Variants in CA10 observed in about 807,000 individuals in gnomAD.
CA10 encodes the protein carbonic anhydrase-related protein 10.
In CA10, 14 loss-of-function variants were observed where a neutral mutation model predicts 44.2. The ratio of observed to expected loss-of-function variants is 0.32; its 90% CI spans 0.21 to 0.50. The LOEUF is 0.50. Among genes scored for constraint, CA10 ranks in the 20% least tolerant of loss-of-function variants. The pLI is 0.99. For missense variants in CA10, 350 were observed against 409.7 expected (o/e 0.85, Z 1.26); for synonymous variants, 159 against 141.6 (o/e 1.12, Z -0.87).
intron 6 of CA10, among the ~76,000 whole-genome samples, chr17:51,646,931 G>A (rs1913363365): frequency 6.6e-6 from 1 of 152,152 alleles, no homozygotes; most frequent in Admixed American, 6.6e-5. Context: ...AATTATAGGA[G>A]CACAAAATTC....
intron 4 of CA10, among the ~76,000 whole-genome samples, chr17:51,690,609 A>G (rs568592257): frequency 6.6e-6 from 1 of 152,202 alleles, no homozygotes; most frequent in South Asian, 2.1e-4. Flanking sequence ...ATGAGATCTG[A>G]TGGTTTTACA....
chr17:52,057,941 C>T (rs1323007869), intron 2 of CA10, among the ~76,000 whole-genome samples: 3 of 151,988 alleles, frequency 2.0e-5, no homozygotes, highest in African/African-American at 7.2e-5. Flanking sequence ...TTAGCTAGAA[C>T]CACTTGTGTT....
intron 6 of CA10, 128 bp from the exon 7 acceptor site, chr17:51,636,137 T>C (rs1912818352): frequency 4.0e-6 from 2 of 496,814 alleles, no homozygotes; most frequent in Non-Finnish European, 6.6e-6. Flanking sequence ...GATATATATG[T>C]ATTTCTTTTG....
intron 4 of CA10, among the ~76,000 whole-genome samples, chr17:51,731,191 A>G: frequency 6.6e-6 from 1 of 152,188 alleles, no homozygotes; most frequent in East Asian, 1.9e-4. Context: ...ATCGTGGCCA[A>G]CATGGTGAAA....
At chr17:51,768,470 A>C (rs1484088373) in intron 3 of CA10, among the ~76,000 whole-genome samples, 2 of 152,196 alleles carry the variant, frequency 1.3e-5, no homozygotes, top group African/African-American at 4.8e-5. Context: ...TCTTCTGATA[A>C]ATTGAATTTC....
At chr17:52,091,955 T>C (rs886544538) in intron 1 of CA10, among the ~76,000 whole-genome samples, 4 of 152,176 alleles carry the variant, frequency 2.6e-5, no homozygotes, top group African/African-American at 7.2e-5. Context: ...GAAAAGTATA[T>C]GCCGCCTATG....
chr17:51,715,189 C>G (rs546024330), intron 4 of CA10, among the ~76,000 whole-genome samples: 24 of 151,616 alleles, frequency 1.6e-4, no homozygotes, highest in East Asian at 3.9e-4. Flanking sequence ...ACACAGGAAG[C>G]GGAACATCAC....
chr17:52,112,902 T>C (rs1988816257), intron 1 of CA10, among the ~76,000 whole-genome samples: 3 of 152,198 alleles, frequency 2.0e-5, no homozygotes, highest in Admixed American at 2.0e-4. Flanking sequence ...GGTATTCTAG[T>C]TATTCTATAG....
At chr17:52,015,922 G>A (rs533568876) in intron 2 of CA10, among the ~76,000 whole-genome samples, 1 of 152,060 alleles carries the variant, frequency 6.6e-6, no homozygotes, top group Non-Finnish European at 1.5e-5. Flanking sequence ...ATGTGGGGAG[G>A]ATCATTTTTA....
chr17:52,020,267 A>T (rs903546273), intron 2 of CA10, among the ~76,000 whole-genome samples: 1 of 151,984 alleles, frequency 6.6e-6, no homozygotes, highest in African/African-American at 2.4e-5. Context: ...AGCTTCTTAG[A>T]AGCTTCAAAT....
At chr17:51,874,071 C>T (rs1979939960) in intron 3 of CA10, among the ~76,000 whole-genome samples, 1 of 152,300 alleles carries the variant, frequency 6.6e-6, no homozygotes, top group South Asian at 2.1e-4. Context: ...TTAACTATGG[C>T]TTTTAATCAG....
intron 4 of CA10, among the ~76,000 whole-genome samples, chr17:51,743,178 A>G (rs539598871): frequency 9.4e-4 from 143 of 152,320 alleles, no homozygotes; most frequent in African/African-American, 3.2e-3. Context: ...GAAAAGAAGA[A>G]CTTAAGGAAG....
chr17:51,631,507 G>A lies in CA10; in HGVS notation c.*77C>T. On this transcript the variant is annotated 3_prime_UTR_variant, in exon 9 of 9. Transcript: ENST00000451037. ...GGGGGAAAGAAGGAGAGAGAAGCAA[G>A]AAGGGGGACATTCTAGGTTACGTCA... is the stretch of plus-strand genomic sequence containing the variant. 7.7e-7 allele frequency: 1 copy of A among 1,296,430 alleles called. No individual in the cohort carries two copies. Among genetic ancestry groups the A allele is most frequent in the Non-Finnish European group, 1.1e-6 (1 of 893,912 alleles). The allele number at this position is 1,296,430 out of a possible 1,614,324, so 80.3% of individuals were successfully genotyped here.
chr17:51,692,737 A>C (rs1024969066), intron 4 of CA10, among the ~76,000 whole-genome samples: 1 of 152,238 alleles, frequency 6.6e-6, no homozygotes, highest in South Asian at 2.1e-4. Flanking sequence ...CACAATTATG[A>C]ATAAAGCTCC....
chr17:52,082,886 TTATC>T (rs1024357136), intron 1 of CA10, among the ~76,000 whole-genome samples: 1 of 152,202 alleles, frequency 6.6e-6, no homozygotes, highest in South Asian at 2.1e-4. Flanking sequence ...TTACTATTAT[TTATC>T]TGTTTGGAAT....
chr17:51,749,558 T>C (rs1904822807), intron 3 of CA10, among the ~76,000 whole-genome samples: 1 of 152,208 alleles, frequency 6.6e-6, no homozygotes, highest in East Asian at 1.9e-4. Flanking sequence ...CACTGACCCA[T>C]AGGCTTGGAG....
intron 3 of CA10, among the ~76,000 whole-genome samples, chr17:51,913,844 G>A (rs1981884355): frequency 6.6e-6 from 1 of 152,042 alleles, no homozygotes; most frequent in African/African-American, 2.4e-5. Flanking sequence ...GGAACTGAGG[G>A]TCACCCTTGA....
chr17:51,675,978 C>G (rs538978602), intron 4 of CA10, among the ~76,000 whole-genome samples: 3 of 152,180 alleles, frequency 2.0e-5, no homozygotes, highest in Admixed American at 2.0e-4. Context: ...CATGAAGCAC[C>G]GTGATGCTTG....
At chr17:51,643,508 C>T (rs1404007018) in intron 6 of CA10, among the ~76,000 whole-genome samples, 1 of 152,042 alleles carries the variant, frequency 6.6e-6, no homozygotes, top group African/African-American at 2.4e-5. Context: ...TTAGTTCAGG[C>T]TAGTTTTTTT....
Sources: gnomAD v4.1 joint callset for allele counts (sites outside exome capture counted in the v4.1 genomes callset) on GRCh38, gnomAD v4.1.1 for gene constraint, MANE v1.5 for transcripts, NCBI Gene and HGNC (gene_info 2026-07-23, HGNC 2026-07-21) for gene names.